The following UTRN variants were observed in gnomAD, a reference collection of about 807,000 sequenced individuals.
The protein encoded by UTRN is dystrophin-related protein 1.
UTRN carries 283 observed loss-of-function variants against 463.9 expected under a neutral mutation model. That is an observed-to-expected ratio of 0.61 (90% CI 0.55 to 0.67). UTRN has a LOEUF of 0.67. UTRN is among the 30% of genes least tolerant of loss of function. The pLI is 0.00. For synonymous variants in UTRN, 1,442 were observed against 1,431.5 expected (o/e 1.01, Z -0.17); for missense variants, 3,922 against 4,084.3 (o/e 0.96, Z 1.08).
chr6:144,593,186 C>T (rs903540885), intron 51 of UTRN, among the ~76,000 whole-genome samples: 2 of 152,004 alleles, frequency 1.3e-5, no homozygotes, highest in African/African-American at 4.8e-5. Context: ...GCGCAATGAA[C>T]AAAGAATTGA....
chr6:144,371,434 G>C (rs1317412780), intron 2 of UTRN, among the ~76,000 whole-genome samples: 1 of 150,762 alleles, frequency 6.6e-6, no homozygotes, highest in Non-Finnish European at 1.5e-5. Flanking sequence ...TTTTTGAGAC[G>C]GAGTTTCACT....
At chr6:144,757,795 T>C (rs1792176805) in intron 57 of UTRN, 134 bp from the exon 58 acceptor site, 1 of 708,778 alleles carries the variant, frequency 1.4e-6, no homozygotes, top group African/African-American at 1.8e-5. Flanking sequence ...CCAGTGGATC[T>C]CATAATTATA....
At chr6:144,376,000 T>G (rs1416537436) in intron 2 of UTRN, among the ~76,000 whole-genome samples, 1 of 152,122 alleles carries the variant, frequency 6.6e-6, no homozygotes, top group East Asian at 1.9e-4. Flanking sequence ...TTCTTTTCTT[T>G]TTTTTGAGAC....
chr6:144,427,648 G>T (rs924761212), intron 7 of UTRN, among the ~76,000 whole-genome samples: 2 of 152,124 alleles, frequency 1.3e-5, no homozygotes, highest in African/African-American at 4.8e-5. Context: ...GATAGTTTTT[G>T]TAGCTTTTTT....
At chr6:144,560,266 T>A (rs1391003456) in intron 50 of UTRN, among the ~76,000 whole-genome samples, 1 of 152,124 alleles carries the variant, frequency 6.6e-6, no homozygotes, top group Non-Finnish European at 1.5e-5. Flanking sequence ...TAAAAACAGT[T>A]TCATTTTTGT....
chr6:144,746,229 C>A (rs1790729368), intron 54 of UTRN, among the ~76,000 whole-genome samples: 1 of 152,026 alleles, frequency 6.6e-6, no homozygotes, highest in South Asian at 2.1e-4. Flanking sequence ...TCTCAAACTC[C>A]TGACCTCAGG....
intron 2 of UTRN, among the ~76,000 whole-genome samples, chr6:144,334,355 A>G (rs1007013095): frequency 6.6e-6 from 1 of 151,528 alleles, no homozygotes; most frequent in Non-Finnish European, 1.5e-5. Flanking sequence ...GGGGCAGCAG[A>G]TTAGTAGCTT....
intron 23 of UTRN, among the ~76,000 whole-genome samples, chr6:144,470,471 C>T (rs899165980): frequency 6.0e-5 from 9 of 150,976 alleles, no homozygotes; most frequent in Non-Finnish European, 1.0e-4. Context: ...CCAGATAGGG[C>T]GGCGGGGCAG....
chr6:144,716,176 T>G (rs1172711148), intron 53 of UTRN, among the ~76,000 whole-genome samples: 1 of 152,186 alleles, frequency 6.6e-6, no homozygotes. Context: ...GGGAAAGATT[T>G]TTATTTAAGG....
chr6:144,579,857 T>A (rs1801796188), intron 51 of UTRN, among the ~76,000 whole-genome samples: 1 of 152,158 alleles, frequency 6.6e-6, no homozygotes, highest in Non-Finnish European at 1.5e-5. Flanking sequence ...ATATGTACAT[T>A]TATGTTTAGA....
In UTRN at chr6:144,824,614, C is replaced by CTCTT. The variant is rs1315487327; in HGVS notation, c.9495-2733_9495-2732insCTTT. Reference sequence around the variant, plus strand: ...TATATATATATATATATATATATATCTTTTTTTTTTTTTTTTTTTTTTTGA... The same window carrying CTCTT: ...TATATATATATATATATATATATATCTCTTTTTTTTTTTTTTTTTTTTTTTTTGA... On this transcript the variant is annotated intron_variant, in intron 66 of 74. Coordinates refer to ENST00000367545, the MANE Select transcript of UTRN (RefSeq NM_007124.3). Among the ~76,000 whole-genome samples the CTCTT allele has an allele frequency of 6.5e-4, 20 of 30,874 alleles. 1 individual carries two copies. Among genetic ancestry groups the CTCTT allele is most frequent in the African/African-American group, 2.0e-3 (19 of 9,474 alleles). The allele number at this position is 30,874 out of a possible 152,430, so 20.3% of individuals were successfully genotyped here. A position where few individuals can be genotyped will look rare whatever the true frequency, so the allele number is the denominator to read the frequency against.
intron 2 of UTRN, among the ~76,000 whole-genome samples, chr6:144,373,716 G>A (rs578107187): frequency 1.3e-5 from 2 of 152,308 alleles, no homozygotes; most frequent in African/African-American, 4.8e-5. Flanking sequence ...TAGCTGGGAG[G>A]TGGTACCATG....
intron 9 of UTRN, among the ~76,000 whole-genome samples, chr6:144,433,948 G>A (rs568398025): frequency 4.6e-5 from 7 of 152,348 alleles, no homozygotes; most frequent in Non-Finnish European, 1.0e-4. Context: ...GGTGGCAGCC[G>A]GGCAGAGGCT....
chr6:144,720,296 G>A (rs954351076), intron 53 of UTRN, among the ~76,000 whole-genome samples: 4 of 152,172 alleles, frequency 2.6e-5, no homozygotes, highest in Admixed American at 2.0e-4. Context: ...TTCTCACTAA[G>A]TTGTAGCAGG....
chr6:144,850,833 G>A (rs780384114), intron 74 of UTRN, among the ~76,000 whole-genome samples, 156 bp from the exon 75 acceptor site: 1 of 152,226 alleles, frequency 6.6e-6, no homozygotes, highest in Non-Finnish European at 1.5e-5. Flanking sequence ...GGTAACTTCA[G>A]CATGAGAGGG....
chr6:144,370,061 G>C (rs553643625), intron 2 of UTRN, among the ~76,000 whole-genome samples: 2 of 152,202 alleles, frequency 1.3e-5, no homozygotes, highest in Non-Finnish European at 2.9e-5. Context: ...GTTGGGTACT[G>C]CTAATTAAGA....
chr6:144,451,244 G>T, intron 17 of UTRN, 126 bp from the exon 18 acceptor site: 1 of 993,112 alleles, frequency 1.0e-6, no homozygotes, highest in Non-Finnish European at 1.4e-6. Context: ...CCTATTTCTG[G>T]GTTGCTGTTT....
At chr6:144,527,100 A>G (rs1466868891) in intron 41 of UTRN, among the ~76,000 whole-genome samples, 1 of 152,104 alleles carries the variant, frequency 6.6e-6, no homozygotes, top group South Asian at 2.1e-4. Flanking sequence ...ACACCTGGCC[A>G]AGATTTATGC....
chr6:144,392,009 C>T (rs1256288481), intron 2 of UTRN, among the ~76,000 whole-genome samples: 7 of 152,134 alleles, frequency 4.6e-5, no homozygotes, highest in African/African-American at 7.2e-5. Context: ...TAATTTGGTG[C>T]ATTGGGTGCT....
Sources: allele counts gnomAD v4.1 joint callset (sites outside exome capture counted in the v4.1 genomes callset), GRCh38; gene constraint gnomAD v4.1.1; transcripts MANE v1.5; gene names NCBI Gene and HGNC (gene_info 2026-07-23, HGNC 2026-07-21).